The following ARNT2 variants were observed in gnomAD, a reference collection of about 807,000 sequenced individuals.
ARNT2 encodes aryl hydrocarbon receptor nuclear translocator 2.
Under a neutral mutation model 91.7 loss-of-function variants are expected in ARNT2, and 36 were observed. The ratio of observed to expected loss-of-function variants is 0.39; its 90% confidence interval spans 0.30 to 0.52. The LOEUF (loss-of-function observed/expected upper bound fraction) is 0.52, where lower values mean the gene tolerates loss of function less well. Among genes scored for constraint, ARNT2 ranks in the 20% least tolerant of loss-of-function variants. The pLI is 0.72. For missense variants in ARNT2, 775 were observed against 939.3 expected, an observed-to-expected ratio of 0.83 and a Z score of 2.29; for synonymous variants, 365 against 347.1, an observed-to-expected ratio of 1.05 and a Z score of -0.57.
At chr15:80,541,446 T>A (rs1897904090) in intron 8 of ARNT2, among the ~76,000 whole-genome samples, 1 of 152,210 alleles carries the variant, frequency 6.6e-6, no homozygotes, top group African/African-American at 2.4e-5. Context: ...GCTGTCTGCC[T>A]ACCCTGTTGA....
intron 1 of ARNT2, among the ~76,000 whole-genome samples, chr15:80,438,654 T>A (rs1299610377): frequency 1.3e-5 from 2 of 152,220 alleles, no homozygotes; most frequent in African/African-American, 2.4e-5. Flanking sequence ...AGAAAGAATA[T>A]GACAGTCTTT....
intron 12 of ARNT2, among the ~76,000 whole-genome samples, chr15:80,567,678 A>G (rs79325896): frequency 4.3e-3 from 660 of 152,318 alleles, no homozygotes; most frequent in Admixed American, 7.2e-3. Context: ...GCCATCTTGT[A>G]CAGGGGGTGG....
intron 11 of ARNT2, among the ~76,000 whole-genome samples, chr15:80,561,658 C>T (rs144155358): frequency 1.2e-4 from 18 of 152,244 alleles, no homozygotes; most frequent in South Asian, 2.1e-4. Flanking sequence ...TTCAGAGTAG[C>T]ATGATGAAAT....
At chr15:80,452,275 C>G (rs1485680538) in intron 2 of ARNT2, among the ~76,000 whole-genome samples, 1 of 152,260 alleles carries the variant, frequency 6.6e-6, no homozygotes, top group African/African-American at 2.4e-5. Flanking sequence ...AGCACGCTCA[C>G]TTGCACTCGC....
At chr15:80,478,123 T>C (rs1313044196) in intron 5 of ARNT2, among the ~76,000 whole-genome samples, 2 of 152,104 alleles carry the variant, frequency 1.3e-5, no homozygotes, top group Non-Finnish European at 2.9e-5. Context: ...AGTTAAATAT[T>C]TGGGAGGAAT....
At chr15:80,534,494 A>C (rs1897789563) in intron 8 of ARNT2, among the ~76,000 whole-genome samples, 1 of 152,196 alleles carries the variant, frequency 6.6e-6, no homozygotes, top group African/African-American at 2.4e-5. Flanking sequence ...CCAACCCCTA[A>C]AAACCAATTG....
chr15:80,485,084 A>G (rs1307403664), intron 5 of ARNT2, among the ~76,000 whole-genome samples: 1 of 152,226 alleles, frequency 6.6e-6, no homozygotes, highest in Non-Finnish European at 1.5e-5. Context: ...TGTTTTAATA[A>G]CTGCAAATTC....
At position 80,508,208 on chromosome 15, in the gene ARNT2, A is replaced by C; in HGVS notation, c.675A>C (p.Ser225=). 2.5e-6 allele frequency: 4 copies of C among 1,614,170 alleles called. No individual in the cohort carries two copies. The highest frequency in any genetic ancestry group is 3.4e-6 in the Non-Finnish European group (4 of 1,180,014). ...TGTVKKEGQQ[S]SMRMCMGSRR... ...CGGTCAAGAAAGAAGGGCAGCAGTC[A>C]TCCATGAGGATGTGCATGGGCTCGC... Residue 225 remains serine, a synonymous_variant, in exon 6 of 19, where the codon TCA becomes TCC. Transcript: ENST00000303329.
At chr15:80,559,513 G>T (rs556102995) in intron 11 of ARNT2, among the ~76,000 whole-genome samples, 1 of 152,220 alleles carries the variant, frequency 6.6e-6, no homozygotes, top group African/African-American at 2.4e-5. Flanking sequence ...AAGCAGGGAG[G>T]TGGCTACGTC....
At chr15:80,438,408 C>G (rs948734241) in intron 1 of ARNT2, among the ~76,000 whole-genome samples, 10 of 152,118 alleles carry the variant, frequency 6.6e-5, no homozygotes, top group Non-Finnish European at 1.3e-4. Flanking sequence ...AGTTGATAAA[C>G]TTGGCAACTA....
At chr15:80,465,346 C>T (rs1282399007) in intron 3 of ARNT2, among the ~76,000 whole-genome samples, 1 of 152,172 alleles carries the variant, frequency 6.6e-6, no homozygotes, top group East Asian at 1.9e-4. Flanking sequence ...GGTGATGCTT[C>T]TCCAGGTTGG....
At chr15:80,425,771 GGCATAGTA>G (rs958435194) in intron 1 of ARNT2, among the ~76,000 whole-genome samples, 4 of 152,034 alleles carry the variant, frequency 2.6e-5, no homozygotes, top group African/African-American at 9.7e-5. Context: ...AAGGGGGCCA[GGCATAGTA>G]GCTCATGCCT....
rs181041137 is a variant in ARNT2, at chr15:80,445,393, G to A, written c.32-5487G>A. On this transcript the variant is annotated intron_variant, in intron 1 of 18. Transcript: ENST00000303329. ...TGGAGTGTGTAGGGTGTGTGCAGGT[G>A]TCGTGTATGTGTGTTGAGAGCAGTG... is the stretch of plus-strand genomic sequence containing the variant. Among the ~76,000 whole-genome samples, 1,232 of 148,100 alleles carry A rather than the reference G, an allele frequency of 8.3e-3. 9 individuals are homozygous for A. Among genetic ancestry groups the A allele is most frequent in the Non-Finnish European group, 0.012 (811 of 66,512 alleles).
chr15:80,518,651 G>A (rs534770130), intron 8 of ARNT2, among the ~76,000 whole-genome samples: 3 of 152,248 alleles, frequency 2.0e-5, no homozygotes, highest in Non-Finnish European at 4.4e-5. Flanking sequence ...GATGTGGGAT[G>A]AGGAGTTGGG....
chr15:80,497,482 C>T (rs1792404859), intron 5 of ARNT2, among the ~76,000 whole-genome samples: 1 of 152,252 alleles, frequency 6.6e-6, no homozygotes, highest in African/African-American at 2.4e-5. Flanking sequence ...CTGGAATGAT[C>T]TCAGAGGTGG....
chr15:80,485,746 G>A (rs1305543737), intron 5 of ARNT2, among the ~76,000 whole-genome samples: 1 of 152,158 alleles, frequency 6.6e-6, no homozygotes, highest in East Asian at 1.9e-4. Flanking sequence ...ACCAGTAGAG[G>A]CCCATGAACC....
At chr15:80,428,559 G>T (rs1444700807) in intron 1 of ARNT2, among the ~76,000 whole-genome samples, 2 of 152,210 alleles carry the variant, frequency 1.3e-5, no homozygotes, top group Non-Finnish European at 2.9e-5. Context: ...TAGAAACTGC[G>T]TCCGAAGGAG....
intron 12 of ARNT2, among the ~76,000 whole-genome samples, chr15:80,570,963 G>A (rs1208156688): frequency 6.6e-6 from 1 of 152,150 alleles, no homozygotes; most frequent in Non-Finnish European, 1.5e-5. Flanking sequence ...CTTATGGTGG[G>A]GACACACACA....
At chr15:80,567,316 G>T (rs1283250590) in intron 12 of ARNT2, among the ~76,000 whole-genome samples, 2 of 135,526 alleles carry the variant, frequency 1.5e-5, no homozygotes, top group African/African-American at 3.6e-5. Flanking sequence ...TCAAGACATA[G>T]CTTTAAATGC....
Sources: allele counts gnomAD v4.1 joint callset (sites outside exome capture counted in the v4.1 genomes callset), GRCh38; gene constraint gnomAD v4.1.1; transcripts MANE v1.5; gene names NCBI Gene and HGNC (gene_info 2026-07-23, HGNC 2026-07-21).